Variants in ERC2 observed in about 807,000 individuals in gnomAD.
ERC2 encodes the protein ELKS/RAB6-interacting/CAST family member 2.
ERC2 carries 42 observed loss-of-function variants against 114.8 expected under a neutral mutation model. That is an observed-to-expected ratio of 0.37 (90% CI 0.29 to 0.47). ERC2 has a LOEUF of 0.47. ERC2 is among the 20% of genes least tolerant of loss of function. The pLI, the probability that ERC2 is intolerant of heterozygous loss-of-function variation, is 0.99. For synonymous variants in ERC2, 454 were observed against 425.5 expected, an observed-to-expected ratio of 1.07 and a Z score of -0.82; for missense variants, 939 against 1,150.7, an observed-to-expected ratio of 0.82 and a Z score of 2.66.
intron 4 of ERC2, among the ~76,000 whole-genome samples, chr3:56,167,447 G>C (rs2150006991): frequency 6.6e-6 from 1 of 152,124 alleles, no homozygotes; most frequent in African/African-American, 2.4e-5. Context: ...AGAAGAGTTT[G>C]GGGGGAAAGG....
At chr3:55,602,603 G>C (rs1171397357) in intron 17 of ERC2, among the ~76,000 whole-genome samples, 1 of 152,172 alleles carries the variant, frequency 6.6e-6, no homozygotes, top group Non-Finnish European at 1.5e-5. Flanking sequence ...TGTTGCTCAG[G>C]AGGTTCTCTG....
intron 16 of ERC2, among the ~76,000 whole-genome samples, chr3:55,693,364 G>A (rs1254005101): frequency 2.0e-5 from 3 of 152,098 alleles, no homozygotes; most frequent in Non-Finnish European, 4.4e-5. Context: ...TTTTGCTCTG[G>A]GGGCATGGTT....
chr3:56,186,673 G>A (rs2083640343), intron 3 of ERC2, among the ~76,000 whole-genome samples: 1 of 152,000 alleles, frequency 6.6e-6, no homozygotes, highest in Non-Finnish European at 1.5e-5. Flanking sequence ...TGAGTAGCTG[G>A]GATTACAGGT....
At chr3:55,535,841 A>C (rs2053964093) in intron 17 of ERC2, among the ~76,000 whole-genome samples, 1 of 152,160 alleles carries the variant, frequency 6.6e-6, no homozygotes, top group Non-Finnish European at 1.5e-5. Flanking sequence ...TAAAAATACA[A>C]AAATTAGCCG....
At chr3:55,893,855 T>C (rs1248822657) in intron 13 of ERC2, among the ~76,000 whole-genome samples, 1 of 152,218 alleles carries the variant, frequency 6.6e-6, no homozygotes, top group Non-Finnish European at 1.5e-5. Flanking sequence ...GGCTTTCACA[T>C]GTGTGTGCAT....
At chr3:56,134,139 A>G (rs1270040949) in intron 6 of ERC2, among the ~76,000 whole-genome samples, 1 of 152,228 alleles carries the variant, frequency 6.6e-6, no homozygotes, top group Non-Finnish European at 1.5e-5. Context: ...TTCAATTATA[A>G]GAGATACAAA....
chr3:55,934,253 G>A (rs1364109090), intron 13 of ERC2, among the ~76,000 whole-genome samples: 1 of 152,108 alleles, frequency 6.6e-6, no homozygotes, highest in Non-Finnish European at 1.5e-5. Flanking sequence ...ATCAGAACAG[G>A]CATGCAAATC....
At chr3:56,184,440 T>C (rs1428878893) in intron 3 of ERC2, among the ~76,000 whole-genome samples, 1 of 152,122 alleles carries the variant, frequency 6.6e-6, no homozygotes, top group South Asian at 2.1e-4. Context: ...ATTTCAACAA[T>C]AATAACAGCA....
At position 55,944,941 on chromosome 3, in the gene ERC2, G is replaced by A. The variant is rs2067036092; in HGVS notation, c.2403+5484C>T. ...TTCTCTTCGTCTGAAACCATGAACA[G>A]AGTCTGAAAAAATTAGATGAGGGTC... is the stretch of plus-strand genomic sequence containing the variant. On this transcript the variant is annotated intron_variant, in intron 13 of 17. Coordinates refer to ENST00000288221, the MANE Select transcript of ERC2 (RefSeq NM_015576.3). 2.0e-5 allele frequency among the ~76,000 whole-genome samples: 3 copies of A among 152,286 alleles called. 1 individual carries two copies. The South Asian group carries it at 6.2e-4, about 32-fold the overall frequency.
chr3:56,008,756 G>T (rs2072693576), intron 9 of ERC2, among the ~76,000 whole-genome samples: 1 of 152,078 alleles, frequency 6.6e-6, no homozygotes, highest in African/African-American at 2.4e-5. Context: ...TTCTGCATGG[G>T]CCTGATCCCA....
chr3:55,838,040 A>G (rs1220298044), intron 14 of ERC2, among the ~76,000 whole-genome samples: 7 of 152,086 alleles, frequency 4.6e-5, no homozygotes, highest in African/African-American at 1.7e-4. Context: ...AATATTACAC[A>G]TTTATGTACT....
At chr3:56,238,045 AG>A (rs1408921704) in intron 3 of ERC2, among the ~76,000 whole-genome samples, 8 of 152,226 alleles carry the variant, frequency 5.3e-5, no homozygotes, top group African/African-American at 1.9e-4. Flanking sequence ...TCTTAGACCT[AG>A]GCCAGAGGGA....
chr3:55,933,299 CTG>C (rs1380714740), intron 13 of ERC2, among the ~76,000 whole-genome samples: 1 of 151,990 alleles, frequency 6.6e-6, no homozygotes, highest in African/African-American at 2.4e-5. Context: ...AGCCTACCCT[CTG>C]TGCAAAAATG....
intron 17 of ERC2, among the ~76,000 whole-genome samples, chr3:55,513,899 T>G (rs1575432492): frequency 6.6e-6 from 1 of 152,088 alleles, no homozygotes; most frequent in East Asian, 1.9e-4. Context: ...GCTCCCAAAG[T>G]GCTGGGATTA....
chr3:55,601,291 A>G (rs1237058715), intron 17 of ERC2, among the ~76,000 whole-genome samples: 1 of 152,188 alleles, frequency 6.6e-6, no homozygotes, highest in Non-Finnish European at 1.5e-5. Flanking sequence ...ACTGGCTTAT[A>G]AGCTCCATAT....
intron 13 of ERC2, among the ~76,000 whole-genome samples, chr3:55,931,475 G>A (rs1308606083): frequency 6.6e-6 from 1 of 152,020 alleles, no homozygotes; most frequent in African/African-American, 2.4e-5. Flanking sequence ...AGCTGGAAAC[G>A]ATCATTCTCA....
At chr3:56,324,014 G>C (rs1031407418) in intron 2 of ERC2, among the ~76,000 whole-genome samples, 2 of 152,152 alleles carry the variant, frequency 1.3e-5, no homozygotes, top group African/African-American at 4.8e-5. Flanking sequence ...ACCTACAACC[G>C]TGTGTTCTGT....
At chr3:56,269,086 CA>C (rs2053499826) in intron 3 of ERC2, among the ~76,000 whole-genome samples, 1 of 152,126 alleles carries the variant, frequency 6.6e-6, no homozygotes, top group South Asian at 2.1e-4. Flanking sequence ...ATGGAAATTT[CA>C]TTAAGTACTA....
chr3:55,721,843 C>T (rs936434961), intron 15 of ERC2, among the ~76,000 whole-genome samples: 2 of 152,230 alleles, frequency 1.3e-5, no homozygotes, highest in Non-Finnish European at 2.9e-5. Flanking sequence ...CTTCCTACCC[C>T]AGCACCCTAA....
Sources: gnomAD v4.1 joint callset for allele counts (sites outside exome capture counted in the v4.1 genomes callset) on GRCh38, gnomAD v4.1.1 for gene constraint, MANE v1.5 for transcripts, NCBI Gene and HGNC (gene_info 2026-07-23, HGNC 2026-07-21) for gene names.